DRD3: variants seen among roughly 807,000 people sequenced by gnomAD.
DRD3 encodes the protein dopamine receptor D3.
DRD3 carries 19 observed loss-of-function variants against 36.3 expected under a neutral mutation model. That is an observed-to-expected ratio of 0.52 (90% CI 0.36 to 0.77). The LOEUF is 0.77. DRD3 is among the 30% of genes least tolerant of loss of function. DRD3 has a pLI of 0.00. For missense variants in DRD3, 465 were observed against 505.3 expected (o/e 0.92, Z 0.77); for synonymous variants, 195 against 203.7 (o/e 0.96, Z 0.36).
At chr3:114,130,426 A>C (rs1027506343) in intron 6 of DRD3, among the ~76,000 whole-genome samples, 1 of 137,102 alleles carries the variant, frequency 7.3e-6, no homozygotes, top group African/African-American at 2.7e-5. Flanking sequence ...AATAATCTAG[A>C]TTTTTTTTTT....
intron 3 of DRD3, among the ~76,000 whole-genome samples, chr3:114,148,628 G>T (rs324038): frequency 0.99 from 150,490 of 152,310 alleles, 74,376 homozygotes; most frequent in Middle Eastern, 1. Flanking sequence ...TGGTTTCACT[G>T]ACTGCCTTTC....
chr3:114,133,140 G>A (rs2077445639), intron 5 of DRD3, among the ~76,000 whole-genome samples: 1 of 152,020 alleles, frequency 6.6e-6, no homozygotes, highest in African/African-American at 2.4e-5. Flanking sequence ...ACAGGCATGT[G>A]CCACCACGCC....
chr3:114,151,817 C>G (rs572748882), intron 3 of DRD3, among the ~76,000 whole-genome samples: 1 of 152,324 alleles, frequency 6.6e-6, no homozygotes, highest in South Asian at 2.1e-4. Flanking sequence ...TCCTCCCTCT[C>G]GAGGGCATCG....
rs565836946 is a variant in DRD3, at chr3:114,188,962, A to C, written c.-155-10186T>G. On this transcript the variant is annotated intron_variant, in intron 1 of 7. Coordinates refer to the DRD3 transcript ENST00000460779. ...CCAAAGAATAATATAGCAGCATTACAATGATTTTAAAAAGAATAACAACAT... is the reference window on the plus strand; with the variant it reads ...CCAAAGAATAATATAGCAGCATTACCATGATTTTAAAAAGAATAACAACAT... Among the ~76,000 whole-genome samples the C allele has an allele frequency of 9.2e-5, 14 of 152,358 alleles. 2 individuals are homozygous for C. In the South Asian group the frequency reaches 2.9e-3, roughly 32 times the overall value.
chr3:114,143,419 A>G (rs1336537355), intron 4 of DRD3, among the ~76,000 whole-genome samples: 2 of 152,218 alleles, frequency 1.3e-5, no homozygotes, highest in African/African-American at 4.8e-5. Context: ...CTATGTTTAA[A>G]GCACTGTGCT....
intron 1 of DRD3, among the ~76,000 whole-genome samples, chr3:114,192,711 T>C (rs766243476): frequency 1.4e-4 from 22 of 152,210 alleles, no homozygotes; most frequent in Non-Finnish European, 2.9e-4. Flanking sequence ...TGAAATTTTA[T>C]GTCTACTTAT....
At chr3:114,167,056 CAA>C in intron 2 of DRD3, among the ~76,000 whole-genome samples, 1 of 152,248 alleles carries the variant, frequency 6.6e-6, no homozygotes, top group Non-Finnish European at 1.5e-5. Context: ...TTACAAAACT[CAA>C]AGATTCTTCC....
At chr3:114,159,712 TC>T in intron 3 of DRD3, 42 bp downstream of exon 3, 1 of 1,563,562 alleles carries the variant, frequency 6.4e-7, no homozygotes, top group Non-Finnish European at 8.8e-7. Flanking sequence ...TCTCCCCACT[TC>T]CCCAGCTTTT....
At chr3:114,149,068 C>T (rs952419947) in intron 3 of DRD3, among the ~76,000 whole-genome samples, 14 of 152,174 alleles carry the variant, frequency 9.2e-5, no homozygotes, top group African/African-American at 3.1e-4. Context: ...CAACTATACG[C>T]CAGGCCTCAT....
At chr3:114,167,823 C>T (rs2077800578) in intron 2 of DRD3, among the ~76,000 whole-genome samples, 1 of 152,194 alleles carries the variant, frequency 6.6e-6, no homozygotes. Flanking sequence ...ACTCATGTGC[C>T]ACAAGCCAGT....
At chr3:114,194,864 G>A (rs2107907601) in intron 1 of DRD3, among the ~76,000 whole-genome samples, 1 of 150,442 alleles carries the variant, frequency 6.6e-6, no homozygotes, top group African/African-American at 2.4e-5. Flanking sequence ...GTAAAACAAA[G>A]TCTCCTGCTG....
At chr3:114,138,774 G>T (rs1430398509) in intron 5 of DRD3, among the ~76,000 whole-genome samples, 2 of 152,092 alleles carry the variant, frequency 1.3e-5, no homozygotes, top group African/African-American at 4.8e-5. Flanking sequence ...TGAGTGGAGG[G>T]GTGCTTTATT....
intron 1 of DRD3, among the ~76,000 whole-genome samples, chr3:114,190,436 A>G (rs1560006166): frequency 1.9e-3 from 19 of 10,066 alleles, no homozygotes; most frequent in Non-Finnish European, 2.5e-3. Flanking sequence ...ATATATATAT[A>G]TATATATATA....
rs200452558 is a variant in DRD3 at position 114,147,530 on chromosome 3, G to A, written c.411C>T (p.His137=). ...AGCTCTGTCCCGTGCCATGCTGGTA[G>A]TGAACGGGCATGACCACTGCAGTGT... ...DRYTAVVMPV[H]YQHGTGQSSC... is the part of the protein sequence containing the mutation. Residue 137 remains histidine (H), a synonymous_variant, in exon 4 of 7, where the codon CAC becomes CAT. Coordinates refer to ENST00000383673, the MANE Select transcript of DRD3 (RefSeq NM_000796.6). The A allele has an allele frequency of 4.5e-5, 73 of 1,614,018 alleles. No individual in the cohort carries two copies. The highest frequency in any genetic ancestry group is 5.7e-5 in the Non-Finnish European group (67 of 1,180,000).
intron 2 of DRD3, among the ~76,000 whole-genome samples, chr3:114,169,029 C>T (rs2077813791): frequency 7.5e-6 from 1 of 133,100 alleles, no homozygotes; most frequent in South Asian, 2.5e-4. Flanking sequence ...ACATTGCACC[C>T]TTTTCTTTTC....
At chr3:114,131,852 G>C (rs1179221517) in intron 5 of DRD3, among the ~76,000 whole-genome samples, 2 of 152,166 alleles carry the variant, frequency 1.3e-5, no homozygotes, top group Non-Finnish European at 2.9e-5. Flanking sequence ...CAATCAAAAT[G>C]ACAATGAGAT....
chr3:114,128,535 C>T lies in DRD3; in HGVS notation c.*181G>A. Reference sequence around the variant, plus strand: ...TTGTCAGAATGAAGTCAGATTTTAGCTGGGGAGGTAGAATATTCTGTTTTG... The same window carrying T: ...TTGTCAGAATGAAGTCAGATTTTAGTTGGGGAGGTAGAATATTCTGTTTTG... On this transcript the variant is annotated 3_prime_UTR_variant, in exon 7 of 7. Coordinates refer to ENST00000383673, the MANE Select transcript of DRD3 (RefSeq NM_000796.6). 1 of 504,902 alleles carries T rather than the reference C, an allele frequency of 2.0e-6. No individual in the cohort carries two copies. The highest frequency in any genetic ancestry group is 3.3e-6 in the Non-Finnish European group (1 of 298,866). The allele number at this position is 504,902 out of a possible 1,614,324, so 31.3% of individuals were successfully genotyped here.
At chr3:114,197,365 C>T (rs376770130) in intron 1 of DRD3, among the ~76,000 whole-genome samples, 3 of 148,620 alleles carry the variant, frequency 2.0e-5, no homozygotes, top group African/African-American at 7.6e-5. Flanking sequence ...AAACAATCTC[C>T]CCACCTCAGA....
At chr3:114,164,440 A>T (rs2077763914) in intron 2 of DRD3, among the ~76,000 whole-genome samples, 1 of 152,020 alleles carries the variant, frequency 6.6e-6, no homozygotes, top group South Asian at 2.1e-4. Context: ...AGGTACTGAA[A>T]TTGTCTATTG....
Sources: allele counts gnomAD v4.1 joint callset (sites outside exome capture counted in the v4.1 genomes callset), GRCh38; gene constraint gnomAD v4.1.1; transcripts MANE v1.5; gene names NCBI Gene and HGNC (gene_info 2026-07-23, HGNC 2026-07-21).